SMAD3: variants seen among roughly 807,000 people sequenced by gnomAD.
The protein encoded by SMAD3 is MAD homolog 3.
A neutral mutation model predicts 51.8 loss-of-function variants in SMAD3; 12 were observed. The ratio of observed to expected loss-of-function variants is 0.23; its 90% confidence interval spans 0.15 to 0.38. The LOEUF is 0.38. Among genes scored for constraint, SMAD3 ranks in the 10% least tolerant of loss-of-function variants. SMAD3 has a pLI of 1.00. For missense variants in SMAD3, 294 were observed against 565.6 expected, an observed-to-expected ratio of 0.52 and a Z score of 4.87; for synonymous variants, 238 against 227.7, an observed-to-expected ratio of 1.05 and a Z score of -0.41.
chr15:67,178,756 T>C (rs1566998207), intron 5 of SMAD3, among the ~76,000 whole-genome samples: 2 of 152,090 alleles, frequency 1.3e-5, no homozygotes, highest in African/African-American at 2.4e-5. Flanking sequence ...CTCATTGGAA[T>C]GTTGAAGCAT....
At position 67,165,293 on chromosome 15, in the gene SMAD3, G is replaced by A. The variant is rs140275295; in HGVS notation, c.441G>A (p.Pro147=). The A allele has an allele frequency of 2.7e-5, 43 of 1,614,026 alleles. No homozygotes were observed. Among genetic ancestry groups the A allele is most frequent in the East Asian group, 8.9e-5 (4 of 44,886 alleles). ...PVLVPRHTEI[P]AEFPPLDDYS... The stretch of plus-strand genomic sequence containing the variant: ...TGGTGCCACGCCACACAGAGATCCC[G>A]GCCGAGTTCCCCCCACTGGACGACT... The change falls in exon 3 of 9, where the codon CCG becomes CCA. Residue 147 remains proline, a synonymous_variant. Transcript: ENST00000327367.
chr15:67,159,521 C>G (rs971286989), intron 1 of SMAD3, among the ~76,000 whole-genome samples: 1 of 151,938 alleles, frequency 6.6e-6, no homozygotes, highest in Non-Finnish European at 1.5e-5. Flanking sequence ...AAATAATAAG[C>G]CTTGCATATT....
At chr15:67,164,736 A>G (rs548553741) in intron 1 of SMAD3, among the ~76,000 whole-genome samples, 159 bp from the exon 2 acceptor site, 4 of 152,130 alleles carry the variant, frequency 2.6e-5, no homozygotes, top group African/African-American at 9.6e-5. Flanking sequence ...CCCTCCCAGC[A>G]CTCTCAGCTA....
intron 1 of SMAD3, among the ~76,000 whole-genome samples, chr15:67,111,113 A>G (rs1961003538): frequency 6.6e-6 from 1 of 152,216 alleles, no homozygotes; most frequent in Admixed American, 6.5e-5. Context: ...CATTTTCAAC[A>G]CCACAAAAAG....
At chr15:67,080,731 G>T (rs1409443167) in intron 1 of SMAD3, among the ~76,000 whole-genome samples, 1 of 152,202 alleles carries the variant, frequency 6.6e-6, no homozygotes, top group African/African-American at 2.4e-5. Flanking sequence ...TTTGATTGTG[G>T]TCAGTGCATG....
chr15:67,176,933 C>T (rs1962914185), intron 5 of SMAD3, among the ~76,000 whole-genome samples: 2 of 152,218 alleles, frequency 1.3e-5, no homozygotes, highest in African/African-American at 4.8e-5. Context: ...TCTACCACCC[C>T]AGCTGTGCAA....
At chr15:67,177,422 G>GTTTTTTTTTTCT (rs1555413212) in intron 5 of SMAD3, among the ~76,000 whole-genome samples, 2 of 93,874 alleles carry the variant, frequency 2.1e-5, no homozygotes, top group Non-Finnish European at 4.2e-5. Context: ...AGTGTTTTGG[G>GTTTTTTTTTTCT]TTTTTTTTTT....
intron 3 of SMAD3, 63 bp downstream of exon 3, chr15:67,165,447 G>A: frequency 6.3e-7 from 1 of 1,592,360 alleles, no homozygotes; most frequent in East Asian, 2.2e-5. Flanking sequence ...CCCGACATCA[G>A]TCCTGTGGCC....
intron 1 of SMAD3, among the ~76,000 whole-genome samples, chr15:67,152,450 C>T (rs537132995): frequency 6.6e-6 from 1 of 152,312 alleles, no homozygotes; most frequent in African/African-American, 2.4e-5. Flanking sequence ...TGGGTCTAAA[C>T]ACACCTGGCT....
chr15:67,125,632 G>A, intron 1 of SMAD3: 1 of 841,910 alleles, frequency 1.2e-6, no homozygotes, highest in Non-Finnish European at 1.4e-6. Context: ...AGTGCGTGGT[G>A]TTTATTTTTG....
chr15:67,068,828 C>T (rs1212798606), intron 1 of SMAD3, among the ~76,000 whole-genome samples: 1 of 152,066 alleles, frequency 6.6e-6, no homozygotes, highest in Non-Finnish European at 1.5e-5. Context: ...CTGGTTTGGC[C>T]CTGTGCTGGT....
At chr15:67,119,667 G>A (rs1426147706) in intron 1 of SMAD3, among the ~76,000 whole-genome samples, 1 of 152,218 alleles carries the variant, frequency 6.6e-6, no homozygotes, top group Non-Finnish European at 1.5e-5. Context: ...GAATTATTTT[G>A]TAAGAAGCTT....
At chr15:67,094,551 AGT>A (rs1960575765) in intron 1 of SMAD3, among the ~76,000 whole-genome samples, 1 of 152,158 alleles carries the variant, frequency 6.6e-6, no homozygotes, top group African/African-American at 2.4e-5. Flanking sequence ...GGCCCTGATG[AGT>A]GTAAATAACT....
At chr15:67,184,173 C>T (rs542377986) in intron 6 of SMAD3, among the ~76,000 whole-genome samples, 1 of 149,808 alleles carries the variant, frequency 6.7e-6, no homozygotes, top group South Asian at 2.1e-4. Context: ...GTGATGGGAG[C>T]TCACGGCAGT....
chr15:67,155,822 C>G (rs775637332), intron 1 of SMAD3, among the ~76,000 whole-genome samples: 1 of 152,048 alleles, frequency 6.6e-6, no homozygotes, highest in Non-Finnish European at 1.5e-5. Flanking sequence ...CCCATCTCTA[C>G]TAAAAATACA....
At chr15:67,096,253 C>A (rs1032059851) in intron 1 of SMAD3, among the ~76,000 whole-genome samples, 1 of 152,196 alleles carries the variant, frequency 6.6e-6, no homozygotes, top group Non-Finnish European at 1.5e-5. Flanking sequence ...CTTTTCCTTT[C>A]AGATCTTCCT....
intron 1 of SMAD3, among the ~76,000 whole-genome samples, chr15:67,086,115 G>T (rs1960387426): frequency 6.6e-6 from 1 of 151,962 alleles, no homozygotes; most frequent in Admixed American, 6.6e-5. Flanking sequence ...GGGGGGTGGA[G>T]CTGGAATGGA....
chr15:67,182,553 G>A (rs1297403801), intron 6 of SMAD3, among the ~76,000 whole-genome samples: 1 of 152,096 alleles, frequency 6.6e-6, no homozygotes, highest in Non-Finnish European at 1.5e-5. Context: ...CTCTGCACTC[G>A]CTTGCTTTAT....
chr15:67,192,235 G>T lies in SMAD3; in HGVS notation c.*1699G>T, dbSNP rs188001329. On this transcript the variant is annotated 3_prime_UTR_variant, in exon 9 of 9. Transcript: ENST00000327367. ...AGGCTTCCTGATGCCTCATCTGCAG[G>T]GTCCTGTGCCTCTGAAGTTCTAGCC... is the stretch of plus-strand genomic sequence containing the variant. 3 of 232,776 alleles carry T rather than the reference G, an allele frequency of 1.3e-5. No individual in the cohort carries two copies. The highest frequency in any genetic ancestry group is 6.6e-5 in the African/African-American group (3 of 45,266). The allele number at this position is 232,776 out of a possible 1,614,324, so 14.4% of individuals were successfully genotyped here. A position where few individuals can be genotyped will look rare whatever the true frequency, so the allele number is the denominator to read the frequency against.
Sources: allele counts gnomAD v4.1 joint callset (sites outside exome capture counted in the v4.1 genomes callset), GRCh38; gene constraint gnomAD v4.1.1; transcripts MANE v1.5; gene names NCBI Gene and HGNC (gene_info 2026-07-23, HGNC 2026-07-21).